Variants in PAM16 observed in about 807,000 individuals in gnomAD.
PAM16 encodes mitochondrial import inner membrane translocase subunit TIM16.
Under a neutral mutation model 17.9 loss-of-function variants are expected in PAM16, and 11 were observed. The ratio of observed to expected loss-of-function variants is 0.62; its 90% CI spans 0.39 to 1.02. The LOEUF is 1.02. PAM16 is among the 50% of genes least tolerant of loss of function. PAM16 has a pLI of 0.01. For synonymous variants in PAM16, 72 were observed against 67.4 expected (o/e 1.07, Z -0.34); for missense variants, 199 against 165.4 (o/e 1.20, Z -1.11).
At chr16:4,344,220 G>T in intron 1 of PAM16, 1 of 289,878 alleles carries the variant, frequency 3.4e-6, no homozygotes. Context: ...AGGGCGTTCC[G>T]TGAGAGGAGG....
chr16:4,347,529 A>C (rs1035266739), intron 1 of PAM16: 2 of 152,266 alleles, frequency 1.3e-5, no homozygotes, highest in South Asian at 2.1e-4. Context: ...GCCCATTAAC[A>C]CCACATGGAC....
intron 1 of PAM16, chr16:4,343,695 T>A: frequency 1.9e-6 from 1 of 536,220 alleles, no homozygotes; most frequent in Non-Finnish European, 2.9e-6. Context: ...TCACTCTTCC[T>A]GAGTTTCTGA....
At chr16:4,350,809 G>C (rs565003778) in intron 1 of PAM16, 1 of 165,930 alleles carries the variant, frequency 6.0e-6, no homozygotes, top group Non-Finnish European at 1.3e-5. Flanking sequence ...TCGGTGTCTC[G>C]GGGCCTAGTT....
rs145427949 is a variant in PAM16, at chr16:4,343,523, G to A, written c.4-232C>T. On this transcript the variant is annotated intron_variant, in intron 1 of 4. Coordinates refer to ENST00000318059, the MANE Select transcript of PAM16 (RefSeq NM_016069.11). The stretch of plus-strand genomic sequence containing the variant: ...GCGGGTGAACTTGACCGAGCTCCCA[G>A]AGGCAGACTGGCCCCACCTCATCCT... The A allele has an allele frequency of 4.3e-3, 6,128 of 1,426,310 alleles. 21 individuals are homozygous for A. Among genetic ancestry groups the A allele is most frequent in the Non-Finnish European group, 4.7e-3 (5,102 of 1,095,318 alleles). The allele number at this position is 1,426,310 out of a possible 1,614,324, so 88.4% of individuals were successfully genotyped here.
intron 2 of PAM16, among the ~76,000 whole-genome samples, chr16:4,342,713 T>C (rs991444010): frequency 1.3e-5 from 2 of 151,544 alleles, no homozygotes; most frequent in Admixed American, 6.6e-5. Flanking sequence ...ACACCTGTAA[T>C]CCCAGCACTT....
intron 1 of PAM16, among the ~76,000 whole-genome samples, chr16:4,349,933 T>C (rs2053821343): frequency 6.6e-6 from 1 of 152,184 alleles, no homozygotes; most frequent in Non-Finnish European, 1.5e-5. Flanking sequence ...AAACACTAAA[T>C]GAGAGACTCT....
At chr16:4,351,190 A>C (rs2053853259) in intron 1 of PAM16, 42 bp downstream of exon 1, 2 of 1,272,154 alleles carry the variant, frequency 1.6e-6, no homozygotes, top group Admixed American at 3.1e-5. Context: ...CCCCGGCCCG[A>C]CTCGGCTTCC....
chr16:4,347,193 G>A (rs1272345309), intron 1 of PAM16: 1 of 152,198 alleles, frequency 6.6e-6, no homozygotes, highest in Admixed American at 6.5e-5. Flanking sequence ...CTTAACAGGC[G>A]GGATGTGATA....
In PAM16 at chr16:4,343,281, A is replaced by G. The variant is rs1279450465; in HGVS notation, c.14T>C (p.Leu5Pro). The change falls in exon 2 of 5, where the codon CTG becomes CCG. Residue 5 changes from leucine (L) to proline (P), a missense_variant. Coordinates refer to ENST00000318059, the MANE Select transcript of PAM16 (RefSeq NM_016069.11). ...CACGCCCATCACAATGATCTGGGCCAGGTACTTGGCCTGTGGGCAAAGCAG... is the reference window on the plus strand; with the variant it reads ...CACGCCCATCACAATGATCTGGGCCGGGTACTTGGCCTGTGGGCAAAGCAG... MAKY[L>P]AQIIVMGVQV... The G allele has an allele frequency of 1.2e-6, 2 of 1,611,318 alleles. No homozygotes were observed. Among genetic ancestry groups the G allele is most frequent in the East Asian group, 2.2e-5 (1 of 44,826 alleles).
rs200815494 is a variant in PAM16, at chr16:4,341,344, T to C, written c.225+24A>G. 108 of 1,556,824 alleles carry C rather than the reference T, an allele frequency of 6.9e-5. No homozygotes were observed. In the East Asian group the frequency reaches 1.5e-3, roughly 22 times the overall value. ...CCCTGGCAGCCTCTCCCTCTCAAAC[T>C]TTGGGGTGGCCCAGTGGCCTCACCT... On this transcript the variant is annotated intron_variant, in intron 3 of 4. Coordinates refer to ENST00000318059, the MANE Select transcript of PAM16 (RefSeq NM_016069.11).
At chr16:4,344,129 T>C (rs1328732988) in intron 1 of PAM16, 1 of 395,530 alleles carries the variant, frequency 2.5e-6, no homozygotes, top group Non-Finnish European at 4.4e-6. Flanking sequence ...CTCACTAAGA[T>C]GTGAGCGGAA....
At chr16:4,344,565 G>A (rs368502531) in intron 1 of PAM16, among the ~76,000 whole-genome samples, 222 of 14,466 alleles carry the variant, frequency 0.015, 20 homozygotes, top group Non-Finnish European at 0.016. Flanking sequence ...AGAGGAGGGG[G>A]TTCTGTGAGA....
intron 2 of PAM16, among the ~76,000 whole-genome samples, chr16:4,342,285 G>A (rs2053660731): frequency 1.3e-5 from 2 of 152,172 alleles, no homozygotes; most frequent in Admixed American, 1.3e-4. Flanking sequence ...TTGAACCCGG[G>A]AGGCAGAGGT....
At position 4,351,290 on chromosome 16, in the gene PAM16, G is replaced by C. The variant is rs774040594; in HGVS notation, c.-56C>G. Reference sequence around the variant, plus strand: ...CCGACTTCCTGGCCCCGCGGCCGGGGATCAAGCGTGGTCGGCGGGTCAGAG... The same window carrying C: ...CCGACTTCCTGGCCCCGCGGCCGGGCATCAAGCGTGGTCGGCGGGTCAGAG... On this transcript the variant is annotated 5_prime_UTR_variant, in exon 1 of 5. In the 5' UTR this introduces an upstream ATG that the reference lacks. Transcript: ENST00000318059. 1.4e-6 allele frequency: 2 copies of C among 1,401,098 alleles called. No homozygotes were observed. Among genetic ancestry groups the C allele is most frequent in the South Asian group, 1.6e-5 (1 of 62,642 alleles). The allele number at this position is 1,401,098 out of a possible 1,614,324, so 86.8% of individuals were successfully genotyped here. A position where few individuals can be genotyped will look rare whatever the true frequency, so the allele number is the denominator to read the frequency against.
chr16:4,345,834 C>T, intron 1 of PAM16: 1 of 985,230 alleles, frequency 1.0e-6, no homozygotes. Flanking sequence ...ACAGGAGGCT[C>T]AGGGATGGGA....
chr16:4,351,137 GGCGCCCGCCGCCCAGCCCGGA>G (rs2053851462), intron 1 of PAM16, 74 bp downstream of exon 1: 1 of 654,132 alleles, frequency 1.5e-6, no homozygotes, highest in Non-Finnish European at 2.2e-6. Context: ...GGGGGCGCAC[GGCGCCCGCCGCCCAGCCCGGA>G]GCTCGCCGCC....
chr16:4,340,397 G>A lies in PAM16; in HGVS notation c.300C>T (p.Arg100=), dbSNP rs375712731. The A allele has an allele frequency of 2.0e-4, 324 of 1,611,984 alleles. No individual in the cohort carries two copies. Among genetic ancestry groups the A allele is most frequent in the Non-Finnish European group, 2.6e-4 (306 of 1,179,856 alleles). The change falls in exon 5 of 5, where the codon CGC becomes CGT. Residue 100 remains arginine (R), a synonymous_variant. Coordinates refer to ENST00000318059, the MANE Select transcript of PAM16 (RefSeq NM_016069.11). ...GSFYLQSKVV[R]AKERLDEELK... is the part of the protein sequence containing the mutation. ...GTTCCTCATCCAGGCGCTCCTTTGC[G>A]CGGACCACCTAGTGGGTCACGGATA...
chr16:4,344,922 G>A (rs1177604200), intron 1 of PAM16, among the ~76,000 whole-genome samples: 1 of 151,890 alleles, frequency 6.6e-6, no homozygotes, highest in Non-Finnish European at 1.5e-5. Context: ...GAAATACTAG[G>A]GCTTTCTAGG....
chr16:4,351,254 G>C lies in PAM16; in HGVS notation c.-20C>G, dbSNP rs1015167411. On this transcript the variant is annotated 5_prime_UTR_variant, in exon 1 of 5. Transcript: ENST00000318059. ...CACCATGGCAGCCGCTCTGCCTCCG[G>C]GGCTCAAACTCCGACTTCCTGGCCC... is the stretch of plus-strand genomic sequence containing the variant. The C allele has an allele frequency of 3.9e-5, 57 of 1,467,824 alleles. No homozygotes were observed. The highest frequency in any genetic ancestry group is 5.1e-5 in the Non-Finnish European group (56 of 1,102,944). The allele number at this position is 1,467,824 out of a possible 1,614,324, so 90.9% of individuals were successfully genotyped here.
Sources: gnomAD v4.1 joint callset for allele counts (sites outside exome capture counted in the v4.1 genomes callset) on GRCh38, gnomAD v4.1.1 for gene constraint, MANE v1.5 for transcripts, NCBI Gene and HGNC (gene_info 2026-07-23, HGNC 2026-07-21) for gene names.